ZNF75A: variants seen among roughly 807,000 people sequenced by gnomAD.
The protein encoded by ZNF75A is zinc finger protein 75A.
ZNF75A carries 36 observed loss-of-function variants against 46.3 expected under a neutral mutation model. The ratio of observed to expected loss-of-function variants is 0.78; its 90% CI spans 0.60 to 1.03. ZNF75A has a LOEUF of 1.03. Ranked by LOEUF, ZNF75A falls within the 50% of genes least tolerant of loss-of-function variation. The pLI, the probability that ZNF75A is intolerant of heterozygous loss-of-function variation, is 0.00. For synonymous variants in ZNF75A, 234 were observed against 189.9 expected, an observed-to-expected ratio of 1.23 and a Z score of -1.91; for missense variants, 595 against 551.3, an observed-to-expected ratio of 1.08 and a Z score of -0.79.
chr16:3,313,041 T>G lies in ZNF75A; in HGVS notation c.697-8T>G. On this transcript the variant is annotated splice_polypyrimidine_tract_variant and splice_region_variant and intron_variant, in intron 4 of 6. Coordinates refer to ENST00000669516, the MANE Select transcript of ZNF75A (RefSeq NM_001302109.2). ...AGGTTCTGAGCTGAAGTCCATTCTCTTCTTTAGAGCTTGTTGACATTTGAA... is the reference window on the plus strand; with the variant it reads ...AGGTTCTGAGCTGAAGTCCATTCTCGTCTTTAGAGCTTGTTGACATTTGAA... 6.2e-7 allele frequency: 1 copy of G among 1,610,172 alleles called. No homozygotes were observed. The highest frequency in any genetic ancestry group is 1.1e-5 in the South Asian group (1 of 90,498).
Position 3,310,982 on chromosome 16 carries a change from A to G in ZNF75A, c.409-771A>G, listed in dbSNP as rs915116505. ...GCCACTCCCCTTTTTTCTCCATTCT[A>G]TCCCCATTCTCTGAAAACCTTCGCT... On this transcript the variant is annotated intron_variant, in intron 2 of 6. Transcript: ENST00000669516. 6 of 983,670 alleles carry G rather than the reference A, an allele frequency of 6.1e-6. No homozygotes were observed. In the African/African-American group the frequency reaches 7.0e-5, roughly 11 times the overall value. 60.9% of individuals were successfully genotyped at this position (983,670 alleles called of 1,614,324 possible). A position where few individuals can be genotyped will look rare whatever the true frequency, so the allele number is the denominator to read the frequency against.
chr16:3,305,943 T>TGCAGCTGCGCCC (rs1960178702), intron 1 of ZNF75A: 1 of 152,244 alleles, frequency 6.6e-6, no homozygotes, highest in African/African-American at 2.4e-5. Context: ...CAGCAGTGCC[T>TGCAGCTGCGCCC]GCAGCTGCGC....
At chr16:3,314,547 G>A (rs537260893) in intron 5 of ZNF75A, among the ~76,000 whole-genome samples, 1 of 152,318 alleles carries the variant, frequency 6.6e-6, no homozygotes, top group Admixed American at 6.5e-5. Flanking sequence ...TGGCCCAGAG[G>A]GAACTGGGTA....
chr16:3,317,643 G>A lies in ZNF75A; in HGVS notation c.1388G>A (p.Cys463Tyr), dbSNP rs1327309326. ...ATAAAACCATATAAATGTTCATGGT[G>A]TGGGAAAAGCTTCAGTCAAAATACA... Reference protein sequence around the residue: ...QGIKPYKCSWCGKSFSQNTNL... With the variant: ...QGIKPYKCSWYGKSFSQNTNL... Residue 463 changes from cysteine (C) to tyrosine (Y), a missense_variant, in exon 7 of 7, where the codon TGT becomes TAT. Cys to Tyr is a radical substitution (Grantham distance 194). Transcript: ENST00000669516. 1.9e-6 allele frequency: 3 copies of A among 1,614,008 alleles called. No individual in the cohort carries two copies. Among genetic ancestry groups the A allele is most frequent in the East Asian group, 4.5e-5 (2 of 44,902 alleles).
rs921949365 is a variant in ZNF75A, at chr16:3,311,817, T to C, written c.473T>C (p.Phe158Ser). The change falls in exon 3 of 7, where the codon TTC becomes TCC. Residue 158 changes from phenylalanine (F) to serine (S), a missense_variant. Coordinates refer to ENST00000669516, the MANE Select transcript of ZNF75A (RefSeq NM_001302109.2). ...LLGETAEASSFGLKPTESQPV... is the reference protein window; with the variant it reads ...LLGETAEASSSGLKPTESQPV... ...GGAGAAACAGCAGAGGCCTCAAGTT[T>C]CGGGCTGAAGCCAACAGAGTCCCAA... 2.2e-4 allele frequency: 230 copies of C among 1,049,172 alleles called. 2 individuals are homozygous for C. Among genetic ancestry groups the C allele is most frequent in the Middle Eastern group, 1.4e-3 (3 of 2,074 alleles). The allele number at this position is 1,049,172 out of a possible 1,614,324, so 65.0% of individuals were successfully genotyped here.
rs769346342 is a variant in ZNF75A, at chr16:3,317,752, C to G, written c.1497C>G (p.Ser499=). ...HECGKKFSQN[S]HLIKHRRTHT... is the part of the protein sequence containing the mutation. ...GTGGAAAAAAATTCAGTCAGAACTCCCACCTTATTAAACACCGGAGAACCC... is the reference window on the plus strand; with the variant it reads ...GTGGAAAAAAATTCAGTCAGAACTCGCACCTTATTAAACACCGGAGAACCC... Residue 499 remains serine, a synonymous_variant, in exon 7 of 7, where the codon TCC becomes TCG. Coordinates refer to ENST00000669516, the MANE Select transcript of ZNF75A (RefSeq NM_001302109.2). 1.9e-6 allele frequency: 3 copies of G among 1,614,106 alleles called. No homozygotes were observed. The highest frequency in any genetic ancestry group is 1.3e-5 in the African/African-American group (1 of 75,006).
chr16:3,318,840 T>G lies in ZNF75A; in HGVS notation c.*971T>G, dbSNP rs1320275575. The G allele has an allele frequency of 1.0e-6, 1 of 985,310 alleles. No homozygotes were observed. Among genetic ancestry groups the G allele is most frequent in the Non-Finnish European group, 1.2e-6 (1 of 829,940 alleles). 61.0% of individuals were successfully genotyped at this position (985,310 alleles called of 1,614,324 possible). A position where few individuals can be genotyped will look rare whatever the true frequency, so the allele number is the denominator to read the frequency against. ...GGAGACGGTTCCCTAAATAAAAGATTTGGGCACTGGTGCTAAGTGTTGGGC... is the reference window on the plus strand; with the variant it reads ...GGAGACGGTTCCCTAAATAAAAGATGTGGGCACTGGTGCTAAGTGTTGGGC... On this transcript the variant is annotated 3_prime_UTR_variant, in exon 7 of 7. Transcript: ENST00000669516.
downstream of ZNF75A, among the ~76,000 whole-genome samples, chr16:3,320,197 C>A (rs1029710471): frequency 1.3e-5 from 2 of 152,190 alleles, no homozygotes; most frequent in East Asian, 3.9e-4. Flanking sequence ...AGGTACCCGC[C>A]ACCACGCCTG....
intron 5 of ZNF75A, chr16:3,314,918 C>T: frequency 1.1e-5 from 11 of 985,342 alleles, no homozygotes; most frequent in Non-Finnish European, 1.3e-5. Context: ...GCAATCTGTT[C>T]TCAGTTTACT....
downstream of ZNF75A, among the ~76,000 whole-genome samples, chr16:3,320,456 G>C (rs1445973341): frequency 6.6e-6 from 1 of 152,196 alleles, no homozygotes; most frequent in South Asian, 2.1e-4. Context: ...CCTCAAAAGA[G>C]ACCTGGCTTC....
In ZNF75A at chr16:3,318,495, G is replaced by A; in HGVS notation, c.*626G>A. On this transcript the variant is annotated 3_prime_UTR_variant, in exon 7 of 7. Transcript: ENST00000669516. ...AAGACATCTCTAATGGAATCATGGG[G>A]GAAACGGGTTGGAATTTGTAGCCAT... 1.0e-6 allele frequency: 1 copy of A among 985,330 alleles called. No homozygotes were observed. Among genetic ancestry groups the A allele is most frequent in the Non-Finnish European group, 1.2e-6 (1 of 829,916 alleles). 61.0% of individuals were successfully genotyped at this position (985,330 alleles called of 1,614,324 possible). A position where few individuals can be genotyped will look rare whatever the true frequency, so the allele number is the denominator to read the frequency against.
intron 4 of ZNF75A, 105 bp downstream of exon 4, chr16:3,312,873 G>A: frequency 6.9e-6 from 8 of 1,163,902 alleles, no homozygotes; most frequent in Non-Finnish European, 9.3e-6. Flanking sequence ...TGTTCTCTGG[G>A]CAACTGGGTA....
At chr16:3,323,238 G>A (rs902931765), downstream of ZNF75A, 9 of 769,318 alleles carry the variant, frequency 1.2e-5, no homozygotes, top group Admixed American at 6.9e-5. Flanking sequence ...ATAGCCAGAT[G>A]TGCCCATCTC....
In ZNF75A at chr16:3,318,746, T is replaced by C; in HGVS notation, c.*877T>C. The C allele has an allele frequency of 1.0e-6, 1 of 985,466 alleles. No individual in the cohort carries two copies. The highest frequency in any genetic ancestry group is 1.2e-6 in the Non-Finnish European group (1 of 829,940). 61.0% of individuals were successfully genotyped at this position (985,466 alleles called of 1,614,324 possible). ...TGAGAGACTTAATTTCCATGGGAGT[T>C]GGAGTGTGTGTGCTGCAGGCAGGAT... On this transcript the variant is annotated 3_prime_UTR_variant, in exon 7 of 7. Transcript: ENST00000669516.
downstream of ZNF75A, among the ~76,000 whole-genome samples, chr16:3,322,189 T>A (rs1429573891): frequency 1.3e-5 from 2 of 152,132 alleles, no homozygotes; most frequent in Non-Finnish European, 2.9e-5. Flanking sequence ...GAAACAAAGT[T>A]TTGCCCATAC....
At chr16:3,318,882 A>G (rs958260533), downstream of ZNF75A, 7 of 967,886 alleles carry the variant, frequency 7.2e-6, no homozygotes, top group Non-Finnish European at 7.4e-6. Context: ...GAGCAAATCT[A>G]CATCCATGTT....
chr16:3,307,221 G>GT (rs1960348322), intron 1 of ZNF75A: 1 of 152,154 alleles, frequency 6.6e-6, no homozygotes, highest in South Asian at 2.1e-4. Context: ...AAAGTGCTGG[G>GT]ATTACAGGCA....
In ZNF75A at chr16:3,308,611, AC is replaced by A. The variant is rs1960466312; in HGVS notation, c.187del (p.Arg63ValfsTer15). On this transcript the variant is annotated frameshift_variant, in exon 2 of 7. Coordinates refer to ENST00000669516, the MANE Select transcript of ZNF75A (RefSeq NM_001302109.2). LOFTEE classifies it high-confidence loss of function. ...RNFTYDEAGG[P>X]REAVSKLQEL... ...ATTTCACCTATGATGAAGCAGGTGG[AC>A]CCCGTGAGGCTGTCAGCAAACTTCA... is the stretch of plus-strand genomic sequence containing the variant. 1 of 986,050 alleles carries A rather than the reference AC, an allele frequency of 1.0e-6. No homozygotes were observed. The highest frequency in any genetic ancestry group is 1.2e-6 in the Non-Finnish European group (1 of 830,012). The allele number at this position is 986,050 out of a possible 1,614,324, so 61.1% of individuals were successfully genotyped here.
rs2150811240 is a variant in ZNF75A at position 3,311,807 on chromosome 16, G to A, written c.463G>A (p.Ala155Thr). Reference protein sequence around the residue: ...EAVLLGETAEASSFGLKPTES... With the variant: ...EAVLLGETAETSSFGLKPTES... The stretch of plus-strand genomic sequence containing the variant: ...AGTGCTCTTGGGAGAAACAGCAGAG[G>A]CCTCAAGTTTCGGGCTGAAGCCAAC... Residue 155 changes from alanine to threonine, a missense_variant, in exon 3 of 7, where the codon GCC becomes ACC. Coordinates refer to ENST00000669516, the MANE Select transcript of ZNF75A (RefSeq NM_001302109.2). 1.9e-6 allele frequency: 2 copies of A among 1,049,818 alleles called. No individual in the cohort carries two copies. The highest frequency in any genetic ancestry group is 2.3e-6 in the Non-Finnish European group (2 of 862,796). The allele number at this position is 1,049,818 out of a possible 1,614,324, so 65.0% of individuals were successfully genotyped here. A position where few individuals can be genotyped will look rare whatever the true frequency, so the allele number is the denominator to read the frequency against.
Sources: allele counts gnomAD v4.1 joint callset (sites outside exome capture counted in the v4.1 genomes callset), GRCh38; gene constraint gnomAD v4.1.1; transcripts MANE v1.5; gene names NCBI Gene and HGNC (gene_info 2026-07-23, HGNC 2026-07-21).